The following DNAH17 variants were observed in gnomAD, a reference collection of about 807,000 sequenced individuals.
The protein encoded by DNAH17 is axonemal beta dynein heavy chain 17.
DNAH17 carries 376 observed loss-of-function variants against 485.6 expected under a neutral mutation model. The ratio of observed to expected loss-of-function variants is 0.77; its 90% CI spans 0.71 to 0.84. DNAH17 has a LOEUF of 0.84. Among genes scored for constraint, DNAH17 ranks in the 40% least tolerant of loss-of-function variants. The pLI, the probability that DNAH17 is intolerant of heterozygous loss-of-function variation, is 0.00. For missense variants in DNAH17, 6,370 were observed against 5,839.3 expected (o/e 1.09, Z -2.96); for synonymous variants, 3,031 against 2,405.9 (o/e 1.26, Z -7.60).
At chr17:78,459,700 G>A in intron 60 of DNAH17, 84 bp downstream of exon 60, 1 of 1,490,684 alleles carries the variant, frequency 6.7e-7, no homozygotes, top group Non-Finnish European at 9.3e-7. Flanking sequence ...AAGAGCCTGA[G>A]GCCATGCTTC....
intron 9 of DNAH17, among the ~76,000 whole-genome samples, chr17:78,567,712 T>C (rs534540255): frequency 6.6e-6 from 1 of 152,242 alleles, no homozygotes; most frequent in African/African-American, 2.4e-5. Flanking sequence ...CCCCTCTCCC[T>C]GAAGCGCTCC....
chr17:78,448,401 C>A (rs1364156192), intron 69 of DNAH17, among the ~76,000 whole-genome samples: 2 of 152,136 alleles, frequency 1.3e-5, no homozygotes, highest in African/African-American at 4.8e-5. Context: ...GTGGCACATG[C>A]CTGTAGTCCC....
rs1204965821 is a variant in DNAH17 at position 78,459,006 on chromosome 17, T to C, written c.9856A>G (p.Ile3286Val). 1.9e-6 allele frequency: 3 copies of C among 1,614,002 alleles called. No individual in the cohort carries two copies. The South Asian group carries it at 3.3e-5, about 18-fold the overall frequency. Residue 3286 changes from isoleucine to valine, a missense_variant, in exon 61 of 81, where the codon ATT becomes GTT. Ile to Val is a conservative substitution (Grantham distance 29, BLOSUM62 3). Coordinates refer to ENST00000389840, the MANE Select transcript of DNAH17 (RefSeq NM_173628.4). Reference protein sequence around the residue: ...QEKLSRIKNKIAELNANLSNL... With the variant: ...QEKLSRIKNKVAELNANLSNL... ...GGGAGCGAGCCGGCACTTACGGCAATCTTGTTTTTGATCCGGGACAGCTTC... is the reference window on the plus strand; with the variant it reads ...GGGAGCGAGCCGGCACTTACGGCAACCTTGTTTTTGATCCGGGACAGCTTC...
chr17:78,503,160 G>A, intron 31 of DNAH17, 149 bp from the exon 32 acceptor site: 1 of 356,354 alleles, frequency 2.8e-6, no homozygotes, highest in Non-Finnish European at 4.8e-6. Flanking sequence ...AGCAGTAACA[G>A]TGACACACCT....
chr17:78,552,757 G>C lies in DNAH17; in HGVS notation c.2227C>G (p.Leu743Val), dbSNP rs141139499. The C allele has an allele frequency of 1.7e-5, 27 of 1,613,900 alleles. No homozygotes were observed. Among genetic ancestry groups the C allele is most frequent in the South Asian group, 9.9e-5 (9 of 91,078 alleles). Residue 743 changes from leucine (L) to valine (V), a missense_variant, in exon 15 of 81, where the codon CTG (leucine) becomes GTG (valine). Coordinates refer to ENST00000389840, the MANE Select transcript of DNAH17 (RefSeq NM_173628.4). ...AATAACTTGACATCAATTGCTTCCA[G>C]TTCTGACTTTATTAGTAGAAATTCT... is the stretch of plus-strand genomic sequence containing the variant. ...AVEFLLIKSELEAIDVKLLSA... is the reference protein window; with the variant it reads ...AVEFLLIKSEVEAIDVKLLSA...
chr17:78,570,144 C>T, intron 7 of DNAH17, 103 bp downstream of exon 7: 1 of 1,354,158 alleles, frequency 7.4e-7, no homozygotes. Context: ...TCTTGGCCTG[C>T]TTTCAAACTG....
At chr17:78,455,890 C>T (rs2146512184) in intron 62 of DNAH17, 54 bp from the exon 63 acceptor site, 1 of 1,426,926 alleles carries the variant, frequency 7.0e-7, no homozygotes, top group Non-Finnish European at 9.3e-7. Context: ...GGGGACTGGA[C>T]CAGACAAGCC....
intron 19 of DNAH17, among the ~76,000 whole-genome samples, chr17:78,535,529 C>A (rs573530486): frequency 6.6e-6 from 1 of 152,312 alleles, no homozygotes; most frequent in South Asian, 2.1e-4. Flanking sequence ...TCCAAGCACA[C>A]GCGTACACAC....
intron 14 of DNAH17, among the ~76,000 whole-genome samples, chr17:78,556,860 C>T (rs1226631459): frequency 6.6e-6 from 1 of 152,206 alleles, no homozygotes. Context: ...AATGGTGCTA[C>T]ATGCAACAAC....
At position 78,458,676 on chromosome 17, in the gene DNAH17, A is replaced by T. The variant is rs146451425; in HGVS notation, c.9866T>A (p.Leu3289His). 6.2e-7 allele frequency: 1 copy of T among 1,613,818 alleles called. No individual in the cohort carries two copies. Among genetic ancestry groups the T allele is most frequent in the African/African-American group, 1.3e-5 (1 of 74,948 alleles). Residue 3289 changes from leucine (L) to histidine (H), a missense_variant, in exon 62 of 81, where the codon CTT becomes CAT. Leu to His is a moderately conservative substitution (Grantham distance 99). Transcript: ENST00000389840. ...GGTTAGGTTGCTCAGGTTGGCGTTA[A>T]GTTCCTGCAAAACCAAGTTGGAAAG... ...LSRIKNKIAE[L>H]NANLSNLTSA...
At chr17:78,439,065 C>CCCTGCAGTGCTGGCCCCCTCGTA in intron 73 of DNAH17, 25 bp downstream of exon 73, 1 of 1,609,692 alleles carries the variant, frequency 6.2e-7, no homozygotes, top group Non-Finnish European at 8.5e-7. Flanking sequence ...GGAGCCCTTA[C>CCCTGCAGTGCTGGCCCCCTCGTA]CCTGCAGTGC....
chr17:78,554,718 T>C (rs960726649), intron 14 of DNAH17, among the ~76,000 whole-genome samples: 1 of 152,134 alleles, frequency 6.6e-6, no homozygotes, highest in African/African-American at 2.4e-5. Flanking sequence ...GATGCTGATT[T>C]GCCTTTCAGA....
intron 54 of DNAH17, among the ~76,000 whole-genome samples, chr17:78,471,337 AGCAGGTGGGCC>A (rs1316566934): frequency 1.3e-5 from 2 of 148,642 alleles, no homozygotes; most frequent in East Asian, 1.9e-4. Flanking sequence ...GCAGGTGGGC[AGCAGGTGGGCC>A]GCAGGTGGGA....
intron 18 of DNAH17, 34 bp from the exon 19 acceptor site, chr17:78,537,515 C>T: frequency 4.4e-6 from 7 of 1,606,184 alleles, no homozygotes; most frequent in Middle Eastern, 1.7e-4. Flanking sequence ...GTGGTCAACA[C>T]CTCTGTCCTC....
At chr17:78,469,138 T>A (rs948702397) in intron 54 of DNAH17, among the ~76,000 whole-genome samples, 10 of 150,940 alleles carry the variant, frequency 6.6e-5, no homozygotes, top group African/African-American at 2.5e-4. Context: ...ACTTTCTTTT[T>A]TCTGTCTTTT....
Position 78,437,715 on chromosome 17 carries a change from C to T in DNAH17, c.11959G>A (p.Ala3987Thr), listed in dbSNP as rs368122623. Reference protein sequence around the residue: ...HIIPQGILENAIKITNEPPTG... With the variant: ...HIIPQGILENTIKITNEPPTG... Reference sequence around the variant, plus strand: ...GGGGGCTCGTTGGTGATCTTGATGGCGTTCTCCAGAATGCCCTGGGGGATG... The same window carrying T: ...GGGGGCTCGTTGGTGATCTTGATGGTGTTCTCCAGAATGCCCTGGGGGATG... Residue 3987 changes from alanine (A) to threonine (T), a missense_variant, in exon 74 of 81, where the codon GCC becomes ACC. Transcript: ENST00000389840. The T allele has an allele frequency of 6.3e-5, 102 of 1,612,162 alleles. No individual in the cohort carries two copies. The highest frequency in any genetic ancestry group is 9.3e-5 in the African/African-American group (7 of 74,872).
At chr17:78,506,644 G>A (rs954379279) in intron 30 of DNAH17, 76 bp downstream of exon 30, 110 of 1,601,376 alleles carry the variant, frequency 6.9e-5, no homozygotes, top group African/African-American at 6.3e-4. Flanking sequence ...ACCCTAGGGC[G>A]GTTGAGGTAG....
chr17:78,506,969 T>A, intron 29 of DNAH17, 123 bp from the exon 30 acceptor site: 1 of 1,394,860 alleles, frequency 7.2e-7, no homozygotes, highest in South Asian at 1.3e-5. Flanking sequence ...TTCACAGGCC[T>A]GGTTTAATTC....
intron 48 of DNAH17, among the ~76,000 whole-genome samples, chr17:78,484,071 G>GGGCAGCA (rs1555670364): frequency 1.8e-4 from 21 of 114,428 alleles, no homozygotes; most frequent in South Asian, 3.2e-4. Flanking sequence ...ACTCCAGCCT[G>GGGCAGCA]AGAGACAGAG....
Sources: gnomAD v4.1 joint callset for allele counts (sites outside exome capture counted in the v4.1 genomes callset) on GRCh38, gnomAD v4.1.1 for gene constraint, MANE v1.5 for transcripts, NCBI Gene and HGNC (gene_info 2026-07-23, HGNC 2026-07-21) for gene names.